The following CRIP2 variants were observed in gnomAD, a reference collection of about 807,000 sequenced individuals.
The protein encoded by CRIP2 is cysteine-rich protein 2.
A neutral mutation model predicts 31.3 loss-of-function variants in CRIP2; 31 were observed. That is an observed-to-expected ratio of 0.99 (90% confidence interval 0.74 to 1.34). The LOEUF (loss-of-function observed/expected upper bound fraction) is 1.34, where lower values mean the gene tolerates loss of function less well. CRIP2 is among the 40% of genes most tolerant of loss of function. The pLI is 0.00. For synonymous variants in CRIP2, 177 were observed against 127.2 expected, an observed-to-expected ratio of 1.39 and a Z score of -2.63; for missense variants, 389 against 301.6, an observed-to-expected ratio of 1.29 and a Z score of -2.15.
At chr14:105,474,647 TGGCCC>T, upstream of CRIP2, 1 of 383,120 alleles carries the variant, frequency 2.6e-6, no homozygotes, top group Non-Finnish European at 3.5e-6. The surrounding 1 kb of genome is among the most constrained non-coding windows in gnomAD (Gnocchi z 5.1). Context: ...GCGCCAGGCC[TGGCCC>T]GGCTGCCCCG....
intron 1 of CRIP2, chr14:105,476,324 G>C: frequency 3.0e-6 from 3 of 985,516 alleles, no homozygotes; most frequent in Non-Finnish European, 2.4e-6. Flanking sequence ...CTTCAGACCC[G>C]GCTGGCTTCT....
chr14:105,479,555 C>T, intron 7 of CRIP2, 31 bp from the exon 8 acceptor site: 2 of 1,612,750 alleles, frequency 1.2e-6, no homozygotes, highest in South Asian at 1.1e-5. Flanking sequence ...CCACTGTTCC[C>T]CCGACCCACC....
chr14:105,473,888 G>C (rs942353289), upstream of CRIP2, among the ~76,000 whole-genome samples: 4 of 152,180 alleles, frequency 2.6e-5, no homozygotes, highest in African/African-American at 9.7e-5. Flanking sequence ...GCACGCAGCT[G>C]GTCCTGGGCG....
At chr14:105,473,263 C>A (rs904444889), upstream of CRIP2, 14 of 1,468,020 alleles carry the variant, frequency 9.5e-6, no homozygotes, top group Non-Finnish European at 1.2e-5. Flanking sequence ...TCCTCACCAT[C>A]TTCTGCCTTG....
Position 105,479,723 on chromosome 14 carries a change from T to C in CRIP2, c.*70T>C. ...CTGCAGGGGCCCCCCTGCTTGGCTC[T>C]GCTGGGAGAGTGCTCAGCCGCCCAG... On this transcript the variant is annotated 3_prime_UTR_variant, in exon 8 of 8. Transcript: ENST00000329146. The C allele has an allele frequency of 2.6e-6, 4 of 1,519,334 alleles. No individual in the cohort carries two copies. Among genetic ancestry groups the C allele is most frequent in the African/African-American group, 1.4e-5 (1 of 72,746 alleles). The allele number at this position is 1,519,334 out of a possible 1,614,324, so 94.1% of individuals were successfully genotyped here. A position where few individuals can be genotyped will look rare whatever the true frequency, so the allele number is the denominator to read the frequency against.
chr14:105,476,717 C>T (rs587700450), intron 1 of CRIP2: 509 of 985,516 alleles, frequency 5.2e-4, no homozygotes, highest in Admixed American at 6.1e-4. Flanking sequence ...GCCTGCCCAC[C>T]GTGCAGCCAG....
At position 105,475,749 on chromosome 14, in the gene CRIP2, G is replaced by A. The variant is rs2083918690; in HGVS notation, c.43+844G>A. 4.5e-6 allele frequency: 4 copies of A among 881,034 alleles called. No individual in the cohort carries two copies. The South Asian group carries it at 2.1e-4, about 46-fold the overall frequency. 54.6% of individuals were successfully genotyped at this position (881,034 alleles called of 1,614,324 possible). A position where few individuals can be genotyped will look rare whatever the true frequency, so the allele number is the denominator to read the frequency against. ...GCTTACTCACTCTCTGGGCCTGGGT[G>A]CGCCCTTCCTACCCCCTTCCTCCTG... On this transcript the variant is annotated intron_variant, in intron 1 of 7. Coordinates refer to ENST00000329146, the MANE Select transcript of CRIP2 (RefSeq NM_001312.4).
upstream of CRIP2, chr14:105,473,506 G>A (rs1555435180): frequency 6.5e-7 from 1 of 1,535,086 alleles, no homozygotes; most frequent in Admixed American, 2.0e-5. Flanking sequence ...CCAGGCAGAG[G>A]GAACAGGTAG....
Position 105,479,772 on chromosome 14 carries a change from G to A in CRIP2, c.*119G>A. Reference sequence around the variant, plus strand: ...AGTCCTGCCTGCAAGCCCAGGGCGAGTATTGGAGGAGGGGCAGCCACGGGC... The same window carrying A: ...AGTCCTGCCTGCAAGCCCAGGGCGAATATTGGAGGAGGGGCAGCCACGGGC... On this transcript the variant is annotated 3_prime_UTR_variant, in exon 8 of 8. Transcript: ENST00000329146. The A allele has an allele frequency of 8.6e-7, 1 of 1,162,480 alleles. No individual in the cohort carries two copies. The highest frequency in any genetic ancestry group is 1.5e-5 in the African/African-American group (1 of 65,740). The allele number at this position is 1,162,480 out of a possible 1,614,324, so 72.0% of individuals were successfully genotyped here.
In CRIP2 at chr14:105,478,617, C is replaced by T. The variant is rs1555436465; in HGVS notation, c.196+110C>T. ...CGCCGTGGATCCCCGCCCAGAGTCC[C>T]TGCCACCCTGGAAAGCCTAGTGCCC... On this transcript the variant is annotated intron_variant, in intron 3 of 7. Coordinates refer to ENST00000329146, the MANE Select transcript of CRIP2 (RefSeq NM_001312.4). This position sits in a 1 kb window ranked among gnomAD's most constrained non-coding sequence, Gnocchi z 4.9. 4 of 1,512,056 alleles carry T rather than the reference C, an allele frequency of 2.6e-6. No homozygotes were observed. The African/African-American group carries it at 4.2e-5, about 16-fold the overall frequency. 93.7% of individuals were successfully genotyped at this position (1,512,056 alleles called of 1,614,324 possible). A position where few individuals can be genotyped will look rare whatever the true frequency, so the allele number is the denominator to read the frequency against.
rs782128703 is a variant in CRIP2, at chr14:105,479,484, G to A, written c.550G>A (p.Gly184Arg). ...CAAGCCCTGCTATGGAATCCTCTTC[G>A]GACCCAAGGGTGAGTGTAGCCAGGG... ...CHKPCYGILF[G>R]PKGVNTGAVG... The change falls in exon 7 of 8, where the codon GGA becomes AGA. Residue 184 changes from glycine (G) to arginine (R), a missense_variant. Physicochemically the swap from Gly to Arg is moderately radical, Grantham distance 125. Coordinates refer to ENST00000329146, the MANE Select transcript of CRIP2 (RefSeq NM_001312.4). 5 of 1,612,810 alleles carry A rather than the reference G, an allele frequency of 3.1e-6. No homozygotes were observed. The Admixed American group carries it at 5.0e-5, about 16-fold the overall frequency.
upstream of CRIP2, chr14:105,473,264 T>C (rs1555435120): frequency 4.7e-6 from 7 of 1,497,072 alleles, no homozygotes; most frequent in Non-Finnish European, 6.2e-6. Context: ...CCTCACCATC[T>C]TCTGCCTTGG....
intron 1 of CRIP2, chr14:105,477,433 T>G (rs1451077690): frequency 6.1e-6 from 6 of 984,932 alleles, no homozygotes; most frequent in Non-Finnish European, 7.2e-6. Flanking sequence ...GGACGGGGCC[T>G]GGCCTTCCCA....
rs782699663 is a variant in CRIP2, at chr14:105,478,513, C to G, written c.196+6C>G. The G allele has an allele frequency of 6.8e-6, 11 of 1,607,588 alleles. 1 individual carries two copies. The African/African-American group carries it at 1.5e-4, about 21-fold the overall frequency. On this transcript the variant is annotated splice_donor_region_variant and intron_variant, in intron 3 of 7. Coordinates refer to ENST00000329146, the MANE Select transcript of CRIP2 (RefSeq NM_001312.4). This position sits in a 1 kb window ranked among gnomAD's most constrained non-coding sequence, Gnocchi z 4.9. ...CACCCTGTTCGGACCCAAAGGTGAG[C>G]TCCGGCTGCCCTCGGCCTGCCCTGG...
At position 105,479,240 on chromosome 14, in the gene CRIP2, C is replaced by A. The variant is rs782160175; in HGVS notation, c.501+21C>A. 4 of 1,521,764 alleles carry A rather than the reference C, an allele frequency of 2.6e-6. No individual in the cohort carries two copies. The Admixed American group carries it at 5.1e-5, about 19-fold the overall frequency. 94.3% of individuals were successfully genotyped at this position (1,521,764 alleles called of 1,614,324 possible). On this transcript the variant is annotated intron_variant, in intron 6 of 7. Coordinates refer to ENST00000329146, the MANE Select transcript of CRIP2 (RefSeq NM_001312.4). ...CGGAGGTGAGGGGAGTGCAACGGGG[C>A]TTGGGGGCCGGGCAGGGGCGCGGGG...
chr14:105,478,532 G>T lies in CRIP2; in HGVS notation c.196+25G>T. Reference sequence around the variant, plus strand: ...GGTGAGCTCCGGCTGCCCTCGGCCTGCCCTGGGACCTGCTGGGAGGGGCGT... The same window carrying T: ...GGTGAGCTCCGGCTGCCCTCGGCCTTCCCTGGGACCTGCTGGGAGGGGCGT... On this transcript the variant is annotated intron_variant, in intron 3 of 7. Coordinates refer to ENST00000329146, the MANE Select transcript of CRIP2 (RefSeq NM_001312.4). The surrounding 1 kb of genome is among the most constrained non-coding windows in gnomAD (Gnocchi z 4.9). 1 of 1,601,438 alleles carries T rather than the reference G, an allele frequency of 6.2e-7. No homozygotes were observed.
Position 105,478,836 on chromosome 14 carries a change from G to C in CRIP2, c.302G>C (p.Arg101Pro), listed in dbSNP as rs1555436540. 7.0e-7 allele frequency: 1 copy of C among 1,428,574 alleles called. No individual in the cohort carries two copies. Among genetic ancestry groups the C allele is most frequent in the African/African-American group, 1.5e-5 (1 of 66,612 alleles). 88.5% of individuals were successfully genotyped at this position (1,428,574 alleles called of 1,614,324 possible). The change falls in exon 4 of 8, where the codon CGG (arginine) becomes CCG (proline). Residue 101 changes from arginine to proline, a missense_variant. Arg to Pro is a moderately radical substitution (Grantham distance 103, BLOSUM62 -2). Coordinates refer to ENST00000329146, the MANE Select transcript of CRIP2 (RefSeq NM_001312.4). The surrounding 1 kb of genome is among the most constrained non-coding windows in gnomAD (Gnocchi z 4.9). ...IEVPAARAEE[R>P]KASGPPKGPS... ...GTCCCCGCGGCCCGAGCAGAGGAGCGGAAGGCGAGCGGCCCCCCGAAGGGG... is the reference window on the plus strand; with the variant it reads ...GTCCCCGCGGCCCGAGCAGAGGAGCCGAAGGCGAGCGGCCCCCCGAAGGGG...
chr14:105,477,854 A>AGGTAGGTGTTGGAGCGCG (rs2083976657), intron 1 of CRIP2, among the ~76,000 whole-genome samples: 7 of 89,010 alleles, frequency 7.9e-5, no homozygotes, highest in African/African-American at 3.9e-4. Context: ...GGTGTCCGGG[A>AGGTAGGTGTTGGAGCGCG]GGCAGGTGTT....
In CRIP2 at chr14:105,479,177, C is replaced by T. The variant is rs782485931; in HGVS notation, c.459C>T (p.Cys153=). Residue 153 remains cysteine (C), a synonymous_variant, in exon 6 of 8, where the codon TGC becomes TGT. Coordinates refer to ENST00000329146, the MANE Select transcript of CRIP2 (RefSeq NM_001312.4). The part of the protein sequence containing the change: ...GKDWHRPCLR[C]ERCGKTLTPG... ...ATTGGCACCGGCCCTGCCTGCGCTG[C>T]GAGCGCTGCGGGAAGACACTGACCC... The T allele has an allele frequency of 1.2e-5, 20 of 1,611,484 alleles. No homozygotes were observed. Among genetic ancestry groups the T allele is most frequent in the Admixed American group, 1.0e-4 (6 of 59,950 alleles).
Sources: gnomAD v4.1 joint callset for allele counts (sites outside exome capture counted in the v4.1 genomes callset) on GRCh38, gnomAD v4.1.1 for gene constraint, Gnocchi (gnomAD v3.1) non-coding constraint, MANE v1.5 for transcripts, NCBI Gene and HGNC (gene_info 2026-07-23, HGNC 2026-07-21) for gene names.